The following OPRM1 variants were observed in gnomAD, a reference collection of about 807,000 sequenced individuals.
OPRM1 encodes mu-type opioid receptor.
A neutral mutation model predicts 31.8 loss-of-function variants in OPRM1; 27 were observed. That is an observed-to-expected ratio of 0.85 (90% confidence interval 0.63 to 1.17). The LOEUF is 1.17. Ranked by LOEUF, OPRM1 falls within the 50% of genes most tolerant of loss-of-function variation. The pLI is 0.00. For synonymous variants in OPRM1, 196 were observed against 189.9 expected (o/e 1.03, Z -0.26); for missense variants, 536 against 511.1 (o/e 1.05, Z -0.47).
intron 1 of OPRM1, among the ~76,000 whole-genome samples, chr6:154,088,965 A>G (rs1791325670): frequency 6.6e-6 from 1 of 152,106 alleles, no homozygotes; most frequent in East Asian, 1.9e-4. Flanking sequence ...GTCTAACTCA[A>G]TCATCCTGCT....
Position 154,087,956 on chromosome 6 carries a change from T to A in OPRM1, c.291-1870T>A, listed in dbSNP as rs114559600. ...TGCAGGCCTTGAAAACATATAACAC[T>A]CCTAGATACTTACCCAGGAGGAAGA... On this transcript the variant is annotated intron_variant, in intron 1 of 3. Transcript: ENST00000330432. 5.1e-3 allele frequency among the ~76,000 whole-genome samples: 770 copies of A among 152,200 alleles called. 11 individuals carry two copies. The highest frequency in any genetic ancestry group is 0.017 in the African/African-American group (715 of 41,518).
chr6:154,020,362 C>T (rs1685063085), intron 1 of OPRM1, among the ~76,000 whole-genome samples: 1 of 152,126 alleles, frequency 6.6e-6, no homozygotes, highest in African/African-American at 2.4e-5. Context: ...TTGGGCCATA[C>T]TCCTGAAAGA....
Position 154,039,452 on chromosome 6 carries a change from C to A in OPRM1, c.-93C>A. The A allele has an allele frequency of 3.9e-6, 6 of 1,552,192 alleles. No homozygotes were observed. Among genetic ancestry groups the A allele is most frequent in the Non-Finnish European group, 4.4e-6 (5 of 1,147,272 alleles). Reference sequence around the variant, plus strand: ...TAAGAAACAGCAGGAGCTGTGGCAGCGGCGAAAGGAAGCGGCTGAGGCGCT... The same window carrying A: ...TAAGAAACAGCAGGAGCTGTGGCAGAGGCGAAAGGAAGCGGCTGAGGCGCT... On this transcript the variant is annotated 5_prime_UTR_variant, in exon 1 of 4. Transcript: ENST00000330432.
rs542828987 is a variant in OPRM1, at chr6:154,140,885, G to T, written c.1164+49413G>T. 1.1e-4 allele frequency among the ~76,000 whole-genome samples: 17 copies of T among 152,274 alleles called. No individual in the cohort carries two copies. In the South Asian group the frequency reaches 2.5e-3, roughly 22 times the overall value. On this transcript the variant is annotated intron_variant, in intron 3 of 3. Coordinates refer to the OPRM1 transcript ENST00000337049. ...ATGTGATCAAGTCCATTCAAGAGTTGGTTGTCACATGTCCATTTGAGGCCA... is the reference window on the plus strand; with the variant it reads ...ATGTGATCAAGTCCATTCAAGAGTTTGTTGTCACATGTCCATTTGAGGCCA...
chr6:154,183,011 G>A (rs545932448), intron 3 of OPRM1, among the ~76,000 whole-genome samples: 132 of 150,872 alleles, frequency 8.7e-4, no homozygotes, highest in African/African-American at 2.7e-3. Context: ...ACGGACTCTC[G>A]CTCTGTAGCC....
chr6:154,168,099 A>T lies in OPRM1; in HGVS notation c.1164+76627A>T, dbSNP rs1280528255. 2.6e-6 allele frequency: 4 copies of T among 1,555,768 alleles called. No homozygotes were observed. In the South Asian group the frequency reaches 4.9e-5, roughly 19 times the overall value. On this transcript the variant is annotated intron_variant, in intron 3 of 3. Transcript: ENST00000337049. This position sits in a 1 kb window ranked among gnomAD's most constrained non-coding sequence, Gnocchi z 4.1. ...AGCTTCTCCATTTCATCATCTTCAG[A>T]CACTTTTGTCTCTTCTATTTGAAAA... is the stretch of plus-strand genomic sequence containing the variant.
chr6:154,010,923 G>A, exon 1 of OPRM1: 1 of 1,306,586 alleles, frequency 7.7e-7, no homozygotes, highest in Non-Finnish European at 1.0e-6. Context: ...CCATCAAAAT[G>A]TTTCCTGGAA....
At chr6:154,182,429 AC>A (rs1800969279) in intron 3 of OPRM1, among the ~76,000 whole-genome samples, 1 of 152,088 alleles carries the variant, frequency 6.6e-6, no homozygotes, top group African/African-American at 2.4e-5. Flanking sequence ...TCTTAAGTTG[AC>A]TCCATTGCTC....
chr6:154,188,093 AATATGATC>A (rs1801541118), intron 3 of OPRM1, among the ~76,000 whole-genome samples: 1 of 152,260 alleles, frequency 6.6e-6, no homozygotes, highest in Non-Finnish European at 1.5e-5. Flanking sequence ...CATTTGTAGA[AATATGATC>A]ATATACATAA....
chr6:154,196,991 G>T (rs1012206587), intron 3 of OPRM1, among the ~76,000 whole-genome samples: 2 of 152,092 alleles, frequency 1.3e-5, no homozygotes, highest in Admixed American at 6.5e-5. Flanking sequence ...ACTGTAATAT[G>T]TACTGTCTGC....
intron 1 of OPRM1, among the ~76,000 whole-genome samples, chr6:154,065,387 A>G (rs1442189396): frequency 6.6e-6 from 1 of 151,956 alleles, no homozygotes; most frequent in Admixed American, 6.6e-5. Flanking sequence ...TGACCTTGTG[A>G]CCCACCTGCT....
chr6:154,100,077 C>CATATGATATATTATCATATTATGATATAT (rs1562471948), intron 3 of OPRM1, among the ~76,000 whole-genome samples: 1 of 117,190 alleles, frequency 8.5e-6, no homozygotes, highest in East Asian at 2.7e-4. Context: ...TGATATATAT[C>CATATGATATATTATCATATTATGATATAT]ATATTATATA....
intron 1 of OPRM1, among the ~76,000 whole-genome samples, chr6:154,025,264 T>C (rs138485577): frequency 2.0e-3 from 311 of 152,200 alleles, no homozygotes; most frequent in African/African-American, 6.7e-3. Flanking sequence ...CCTTTATCAT[T>C]ATATAGTAAC....
intron 1 of OPRM1, among the ~76,000 whole-genome samples, chr6:154,049,253 C>A (rs1438285695): frequency 6.6e-6 from 1 of 152,036 alleles, no homozygotes; most frequent in African/African-American, 2.4e-5. Context: ...ATGTTTGAGA[C>A]CATTTTAAAC....
chr6:154,085,901 T>C (rs1356930611), intron 1 of OPRM1, among the ~76,000 whole-genome samples: 3 of 150,452 alleles, frequency 2.0e-5, no homozygotes. Flanking sequence ...TTTTTTTTTT[T>C]TTTTGAGACA....
intron 1 of OPRM1, 29 bp downstream of exon 1, chr6:154,039,863 A>T (rs1779685336): frequency 6.5e-7 from 1 of 1,549,014 alleles, no homozygotes; most frequent in Admixed American, 1.8e-5. Flanking sequence ...CTCCGAGCGG[A>T]GGGTTCAGCG....
intron 3 of OPRM1, among the ~76,000 whole-genome samples, chr6:154,192,251 C>CCA (rs921696000): frequency 3.2e-4 from 49 of 151,886 alleles, no homozygotes; most frequent in African/African-American, 1.1e-3. Flanking sequence ...TCTCAATACC[C>CCA]CACACCCTCA....
chr6:154,021,728 G>A (rs981681316), intron 1 of OPRM1, among the ~76,000 whole-genome samples: 1 of 152,144 alleles, frequency 6.6e-6, no homozygotes, highest in Non-Finnish European at 1.5e-5. Context: ...ATGGGATTTT[G>A]TTTTTAATTT....
At chr6:154,094,390 C>A in intron 3 of OPRM1, 1 of 428,988 alleles carries the variant, frequency 2.3e-6, no homozygotes, top group Admixed American at 2.7e-5. Context: ...CAGTTAAGAG[C>A]TGCTCAGTCA....
Sources: allele counts gnomAD v4.1 joint callset (sites outside exome capture counted in the v4.1 genomes callset), GRCh38; gene constraint gnomAD v4.1.1; non-coding constraint Gnocchi (gnomAD v3.1); transcripts MANE v1.5; gene names NCBI Gene and HGNC (gene_info 2026-07-23, HGNC 2026-07-21).